The following XIRP2 variants were observed in gnomAD, a reference collection of about 807,000 sequenced individuals.
XIRP2 encodes the protein xin actin-binding repeat-containing protein 2.
XIRP2 carries 236 observed loss-of-function variants against 277.0 expected under a neutral mutation model. The ratio of observed to expected loss-of-function variants is 0.85; its 90% CI spans 0.77 to 0.95. The LOEUF is 0.95. Among genes scored for constraint, XIRP2 ranks in the 40% least tolerant of loss-of-function variants. XIRP2 has a pLI of 0.00. For missense variants in XIRP2, 4,640 were observed against 4,157.5 expected (o/e 1.12, Z -3.19); for synonymous variants, 1,490 against 1,416.5 (o/e 1.05, Z -1.17).
intron 3 of XIRP2, among the ~76,000 whole-genome samples, chr2:167,176,370 C>A (rs1214067734): frequency 6.6e-6 from 1 of 152,150 alleles, no homozygotes; most frequent in Non-Finnish European, 1.5e-5. Flanking sequence ...AGATGAGTAA[C>A]CCAGTTGGAA....
chr2:166,975,799 A>G (rs1002968256), intron 2 of XIRP2, among the ~76,000 whole-genome samples: 10 of 151,524 alleles, frequency 6.6e-5, no homozygotes, highest in East Asian at 2.0e-4. Context: ...GGTGGCGGGC[A>G]CCTGTAGTCC....
Position 167,239,857 on chromosome 2 carries a change from G to A in XIRP2, c.861G>A (p.Glu287=). 1.2e-6 allele frequency: 2 copies of A among 1,601,198 alleles called. No homozygotes were observed. The highest frequency in any genetic ancestry group is 1.7e-6 in the Non-Finnish European group (2 of 1,175,406). ...TCTGTCTGTCTGTGTGCTTTCAGGA[G>A]GCAATTCATAGCAGCCAGGTTGGCA... ...QYQHQNRSEQ[E]AIHSSQVGTS... Residue 287 remains glutamate (E), a splice_region_variant and synonymous_variant, in exon 6 of 11, where the codon GAG becomes GAA. Transcript: ENST00000409195.
rs1694663092 is a variant in XIRP2 at position 167,228,274 on chromosome 2, AG to A, written c.858+9975del. On this transcript the variant is annotated intron_variant, in intron 5 of 10. Coordinates refer to ENST00000409195, the MANE Select transcript of XIRP2 (RefSeq NM_152381.6). Reference sequence around the variant, plus strand: ...TGCTGAGGCATGATCATAAAGTTTCAGTCACAGTCCCTTTGCAACTTGTAAG... The same window carrying A: ...TGCTGAGGCATGATCATAAAGTTTCATCACAGTCCCTTTGCAACTTGTAAG... 2.0e-5 allele frequency among the ~76,000 whole-genome samples: 3 copies of A among 152,184 alleles called. No individual in the cohort carries two copies. The South Asian group carries it at 6.2e-4, about 31-fold the overall frequency.
chr2:167,145,565 A>C (rs1242571874), intron 3 of XIRP2, among the ~76,000 whole-genome samples: 2 of 152,192 alleles, frequency 1.3e-5, no homozygotes, highest in Non-Finnish European at 2.9e-5. Flanking sequence ...AAATCCCAGA[A>C]ATGTCCAGAT....
At position 167,248,395 on chromosome 2, in the gene XIRP2, A is replaced by G. The variant is rs1181017354; in HGVS notation, c.7003A>G (p.Lys2335Glu). The change falls in exon 9 of 11, where the codon AAG becomes GAG. Residue 2335 changes from lysine (K) to glutamate (E), a missense_variant. Coordinates refer to ENST00000409195, the MANE Select transcript of XIRP2 (RefSeq NM_152381.6). Reference sequence around the variant, plus strand: ...TCCCTCACTGTCCACAGAGAAGATAAAGGCTGAATTTGAAAGTTTTCCAGG... The same window carrying G: ...TCCCTCACTGTCCACAGAGAAGATAGAGGCTGAATTTGAAAGTTTTCCAGG... ...FLPSLSTEKI[K>E]AEFESFPGLP... is the part of the protein sequence containing the mutation. 1 of 1,613,758 alleles carries G rather than the reference A, an allele frequency of 6.2e-7. No individual in the cohort carries two copies. The highest frequency in any genetic ancestry group is 1.3e-5 in the African/African-American group (1 of 74,952).
intron 2 of XIRP2, among the ~76,000 whole-genome samples, chr2:167,093,664 G>C (rs989451951): frequency 6.6e-6 from 1 of 152,122 alleles, no homozygotes; most frequent in East Asian, 1.9e-4. Flanking sequence ...TTTTATGGCT[G>C]CATGGTATTC....
chr2:167,010,677 A>G (rs542802240), intron 2 of XIRP2, among the ~76,000 whole-genome samples: 5 of 151,972 alleles, frequency 3.3e-5, no homozygotes, highest in Middle Eastern at 6.8e-3. Flanking sequence ...GCCATTTTCA[A>G]GATATTGATT....
chr2:167,194,579 T>G (rs1693445210), intron 3 of XIRP2, among the ~76,000 whole-genome samples: 1 of 152,082 alleles, frequency 6.6e-6, no homozygotes, highest in Non-Finnish European at 1.5e-5. Context: ...CACAGAAACA[T>G]CATCTCCTAG....
At chr2:166,930,989 G>A (rs1004916417) in intron 2 of XIRP2, among the ~76,000 whole-genome samples, 8 of 152,202 alleles carry the variant, frequency 5.3e-5, no homozygotes, top group African/African-American at 1.4e-4. Flanking sequence ...TTGGGCAGTA[G>A]GACACAGCCA....
chr2:167,115,306 C>T (rs1369134805), intron 2 of XIRP2, among the ~76,000 whole-genome samples: 1 of 152,146 alleles, frequency 6.6e-6, no homozygotes, highest in Non-Finnish European at 1.5e-5. Context: ...GATGAATGTC[C>T]TTCTGAATCT....
intron 2 of XIRP2, among the ~76,000 whole-genome samples, chr2:167,104,732 T>C (rs952879236): frequency 1.3e-5 from 2 of 152,086 alleles, no homozygotes; most frequent in Non-Finnish European, 2.9e-5. Context: ...TCTTTTCCTT[T>C]TGCCATCATT....
chr2:166,965,458 T>C (rs962541694), intron 2 of XIRP2, among the ~76,000 whole-genome samples: 11 of 151,922 alleles, frequency 7.2e-5, no homozygotes, highest in Non-Finnish European at 1.5e-5. Context: ...TTATAGGTGA[T>C]CATGAATGAG....
intron 1 of XIRP2, among the ~76,000 whole-genome samples, chr2:166,897,925 C>G (rs1574059693): frequency 6.6e-6 from 1 of 152,058 alleles, no homozygotes; most frequent in Non-Finnish European, 1.5e-5. Flanking sequence ...GAGTTTATCT[C>G]TTAGGACACA....
chr2:167,212,241 A>G (rs1316072448), intron 4 of XIRP2, among the ~76,000 whole-genome samples: 4 of 152,192 alleles, frequency 2.6e-5, no homozygotes, highest in Non-Finnish European at 4.4e-5. Context: ...GTCTTCTTCG[A>G]TGGCACCCCC....
intron 2 of XIRP2, among the ~76,000 whole-genome samples, chr2:167,069,340 T>C (rs897612383): frequency 6.6e-6 from 1 of 152,186 alleles, no homozygotes; most frequent in Non-Finnish European, 1.5e-5. Flanking sequence ...TGTGCAGTGG[T>C]GGTTGGACAC....
intron 2 of XIRP2, among the ~76,000 whole-genome samples, chr2:166,939,514 A>G (rs1685627377): frequency 6.6e-6 from 1 of 151,660 alleles, no homozygotes; most frequent in Non-Finnish European, 1.5e-5. Flanking sequence ...CCCCGTCTCT[A>G]CTAAAAATAC....
chr2:167,050,671 A>C (rs982633867), intron 2 of XIRP2, among the ~76,000 whole-genome samples: 4 of 151,998 alleles, frequency 2.6e-5, no homozygotes, highest in Admixed American at 2.6e-4. Context: ...AATTGAACCA[A>C]AGATAGGATC....
rs1695004945 is a variant in XIRP2, at chr2:167,239,941, A to G, written c.945A>G (p.Lys315=). ...AACAAGAAGGGTCCAAAGTACAGAA[A>G]ATTGATGTTCATGGAACAGAAATGG... is the stretch of plus-strand genomic sequence containing the variant. ...RNEQEGSKVQ[K]IDVHGTEMVS... Residue 315 remains lysine, a synonymous_variant, in exon 6 of 11, where the codon AAA becomes AAG. Coordinates refer to ENST00000409195, the MANE Select transcript of XIRP2 (RefSeq NM_152381.6). The G allele has an allele frequency of 1.2e-6, 2 of 1,602,696 alleles. No individual in the cohort carries two copies. Among genetic ancestry groups the G allele is most frequent in the Non-Finnish European group, 1.7e-6 (2 of 1,177,236 alleles).
intron 2 of XIRP2, among the ~76,000 whole-genome samples, chr2:166,947,989 A>G (rs986968445): frequency 2.0e-5 from 3 of 152,160 alleles, no homozygotes; most frequent in African/African-American, 7.2e-5. Context: ...TCTGATTTCA[A>G]TTGTGTGACA....
Sources: gnomAD v4.1 joint callset for allele counts (sites outside exome capture counted in the v4.1 genomes callset) on GRCh38, gnomAD v4.1.1 for gene constraint, MANE v1.5 for transcripts, NCBI Gene and HGNC (gene_info 2026-07-23, HGNC 2026-07-21) for gene names.